ACER3: variants seen among roughly 807,000 people sequenced by gnomAD.
The protein encoded by ACER3 is alkaline ceramidase 3, also known as alkCDase 3.
A neutral mutation model predicts 48.9 loss-of-function variants in ACER3; 16 were observed. The observed-to-expected ratio is 0.33, with a 90% CI of 0.22 to 0.50. The LOEUF is 0.50. ACER3 is among the 20% of genes least tolerant of loss of function. The pLI is 0.98. For missense variants in ACER3, 227 were observed against 326.0 expected (o/e 0.70, Z 2.34); for synonymous variants, 109 against 107.8 (o/e 1.01, Z -0.07).
At chr11:76,954,401 G>A (rs2135006039) in intron 2 of ACER3, among the ~76,000 whole-genome samples, 1 of 152,158 alleles carries the variant, frequency 6.6e-6, no homozygotes, top group African/African-American at 2.4e-5. Context: ...TACATAGAAT[G>A]ATCTCATTTT....
At chr11:76,959,313 A>G in intron 3 of ACER3, 1 of 976,820 alleles carries the variant, frequency 1.0e-6, no homozygotes, top group Non-Finnish European at 1.4e-6. Context: ...GGGACATCTT[A>G]AAAAGACATA....
rs546008666 is a variant in ACER3 at position 76,951,830 on chromosome 11, A to G, written c.215-7149A>G. Reference sequence around the variant, plus strand: ...CTTTGGCTTTTCATGGGCAACAGTCATTGACAGCCCTTTAAAATACATGTA... The same window carrying G: ...CTTTGGCTTTTCATGGGCAACAGTCGTTGACAGCCCTTTAAAATACATGTA... On this transcript the variant is annotated intron_variant, in intron 2 of 10. Coordinates refer to ENST00000532485, the MANE Select transcript of ACER3 (RefSeq NM_018367.7). Among the ~76,000 whole-genome samples the G allele has an allele frequency of 5.3e-5, 8 of 152,340 alleles. No individual in the cohort carries two copies. In the South Asian group the frequency reaches 1.7e-3, roughly 32 times the overall value.
In ACER3 at chr11:77,020,388, GAAATCCTT is replaced by G; in HGVS notation, c.*65_*72del. 6.4e-7 allele frequency: 1 copy of G among 1,561,924 alleles called. No homozygotes were observed. The highest frequency in any genetic ancestry group is 8.8e-7 in the Non-Finnish European group (1 of 1,140,948). Reference sequence around the variant, plus strand: ...CCATAGACCTGGCAGAATAAATAAGGAAATCCTTAAAGATCTACAAGTTCAAATATGTC... The same window carrying G: ...CCATAGACCTGGCAGAATAAATAAGGAAAGATCTACAAGTTCAAATATGTC... On this transcript the variant is annotated 3_prime_UTR_variant, in exon 11 of 11. Transcript: ENST00000532485.
rs1460656025 is a variant in ACER3 at position 76,865,840 on chromosome 11, G to A, written c.103+4761G>A. Among the ~76,000 whole-genome samples the A allele has an allele frequency of 6.2e-5, 9 of 144,954 alleles. No homozygotes were observed. The South Asian group carries it at 8.8e-4, about 14-fold the overall frequency. On this transcript the variant is annotated intron_variant, in intron 1 of 10. Coordinates refer to ENST00000532485, the MANE Select transcript of ACER3 (RefSeq NM_018367.7). Reference sequence around the variant, plus strand: ...TTTTTTTTTTTTTCTTTTTTGAGACGAAGTCTCATTCTGTCGCCCAGGCTG... The same window carrying A: ...TTTTTTTTTTTTTCTTTTTTGAGACAAAGTCTCATTCTGTCGCCCAGGCTG...
At chr11:77,014,300 C>T (rs1479593871) in intron 7 of ACER3, among the ~76,000 whole-genome samples, 1 of 152,162 alleles carries the variant, frequency 6.6e-6, no homozygotes, top group Non-Finnish European at 1.5e-5. Context: ...TCCACAATAC[C>T]TCCGTATCAC....
intron 1 of ACER3, among the ~76,000 whole-genome samples, chr11:76,905,246 A>G (rs1035778865): frequency 2.0e-5 from 3 of 152,134 alleles, no homozygotes; most frequent in African/African-American, 7.2e-5. Flanking sequence ...TTTTTATGTT[A>G]CAAGCTTACC....
At chr11:77,000,907 C>T (rs1555019652) in intron 7 of ACER3, among the ~76,000 whole-genome samples, 7 of 151,908 alleles carry the variant, frequency 4.6e-5, no homozygotes, top group Non-Finnish European at 1.0e-4. Flanking sequence ...TTTGCCTTTC[C>T]ATATAAAGTT....
chr11:76,871,904 T>G lies in ACER3; in HGVS notation c.103+10825T>G, dbSNP rs534078818. On this transcript the variant is annotated intron_variant, in intron 1 of 10. Coordinates refer to ENST00000532485, the MANE Select transcript of ACER3 (RefSeq NM_018367.7). ...ATGGTATGTTAGAGTCACGTTGGAA[T>G]TTGGTATCTTGTTGCTACAAAAAGT... is the stretch of plus-strand genomic sequence containing the variant. Among the ~76,000 whole-genome samples, 12 of 152,328 alleles carry G rather than the reference T, an allele frequency of 7.9e-5. No individual in the cohort carries two copies. In the South Asian group the frequency reaches 2.5e-3, roughly 32 times the overall value.
chr11:76,906,406 C>CT (rs1946232612), intron 1 of ACER3, among the ~76,000 whole-genome samples: 1 of 152,120 alleles, frequency 6.6e-6, no homozygotes, highest in South Asian at 2.1e-4. Context: ...CTCAACTGGT[C>CT]CTGTCACCCC....
chr11:76,878,271 A>G (rs1945434826), intron 1 of ACER3, among the ~76,000 whole-genome samples: 1 of 151,976 alleles, frequency 6.6e-6, no homozygotes, highest in South Asian at 2.1e-4. Context: ...GGTTTTTGCC[A>G]TTACTTTCAA....
intron 2 of ACER3, among the ~76,000 whole-genome samples, chr11:76,939,572 G>A (rs1221847103): frequency 1.3e-5 from 2 of 152,100 alleles, no homozygotes; most frequent in African/African-American, 4.8e-5. Context: ...CTCTAGCCTG[G>A]GTGACAGAGT....
At chr11:76,894,562 TAGTG>T (rs377083139) in intron 1 of ACER3, among the ~76,000 whole-genome samples, 8 of 152,150 alleles carry the variant, frequency 5.3e-5, no homozygotes, top group Non-Finnish European at 7.4e-5. Flanking sequence ...CTCTAGTAAA[TAGTG>T]AGACTACTCC....
At chr11:77,018,723 C>T (rs1438668543) in intron 9 of ACER3, among the ~76,000 whole-genome samples, 2 of 152,226 alleles carry the variant, frequency 1.3e-5, no homozygotes, top group African/African-American at 4.8e-5. Flanking sequence ...ATCAGACCAA[C>T]CACAACATTG....
At chr11:76,931,953 CTTT>C (rs11300248) in intron 2 of ACER3, among the ~76,000 whole-genome samples, 12 of 129,886 alleles carry the variant, frequency 9.2e-5, no homozygotes, top group Non-Finnish European at 1.5e-4. Flanking sequence ...TTTGGAGTTG[CTTT>C]TTTTTTTTTT....
intron 3 of ACER3, 102 bp downstream of exon 3, chr11:76,959,133 A>G (rs781089214): frequency 1.3e-6 from 2 of 1,581,780 alleles, no homozygotes; most frequent in Non-Finnish European, 1.7e-6. Flanking sequence ...TGGGATTTGT[A>G]ATCTCTGGAG....
chr11:77,011,527 G>A (rs1218746463), intron 7 of ACER3, among the ~76,000 whole-genome samples: 1 of 152,090 alleles, frequency 6.6e-6, no homozygotes, highest in Admixed American at 6.5e-5. Flanking sequence ...CTCAAATGGG[G>A]GCTATGATAA....
chr11:76,985,291 C>T (rs1948665024), intron 4 of ACER3, among the ~76,000 whole-genome samples: 1 of 152,112 alleles, frequency 6.6e-6, no homozygotes, highest in South Asian at 2.1e-4. Flanking sequence ...TTTGTGGAGA[C>T]AGGGTCTCAA....
intron 4 of ACER3, among the ~76,000 whole-genome samples, chr11:76,978,136 T>C (rs910461143): frequency 2.0e-5 from 3 of 152,070 alleles, no homozygotes; most frequent in African/African-American, 7.2e-5. Flanking sequence ...GGGCCATACA[T>C]TGATGGTGGC....
chr11:76,955,614 T>G (rs1353601720), intron 2 of ACER3: 3 of 152,240 alleles, frequency 2.0e-5, no homozygotes, highest in Non-Finnish European at 4.4e-5. Context: ...CAAGCTTCAG[T>G]GTCTTACTCT....
Sources: allele counts gnomAD v4.1 joint callset (sites outside exome capture counted in the v4.1 genomes callset), GRCh38; gene constraint gnomAD v4.1.1; transcripts MANE v1.5; gene names NCBI Gene and HGNC (gene_info 2026-07-23, HGNC 2026-07-21).